SPOCK3: variants seen among roughly 807,000 people sequenced by gnomAD.
SPOCK3 encodes the protein SPARC (osteonectin), cwcv and kazal like domains proteoglycan 3.
SPOCK3 carries 30 observed loss-of-function variants against 56.6 expected under a neutral mutation model. That is an observed-to-expected ratio of 0.53 (90% CI 0.40 to 0.72). SPOCK3 has a LOEUF of 0.72. Ranked by LOEUF, SPOCK3 falls within the 30% of genes least tolerant of loss-of-function variation. The pLI, the probability that SPOCK3 is intolerant of heterozygous loss-of-function variation, is 0.00. For missense variants in SPOCK3, 527 were observed against 530.0 expected (o/e 0.99, Z 0.06); for synonymous variants, 196 against 183.3 (o/e 1.07, Z -0.56).
chr4:167,030,083 T>TTCTATCTATTTATCTA, intron 3 of SPOCK3, among the ~76,000 whole-genome samples: 1 of 141,480 alleles, frequency 7.1e-6, no homozygotes, highest in African/African-American at 2.8e-5. Flanking sequence ...TAATGGCTCA[T>TTCTATCTATTTATCTA]TCTATCTATC....
intron 2 of SPOCK3, among the ~76,000 whole-genome samples, chr4:167,187,713 A>G (rs1732122235): frequency 6.6e-6 from 1 of 152,086 alleles, no homozygotes; most frequent in Non-Finnish European, 1.5e-5. Context: ...ATATCTTATG[A>G]TTAATAATTT....
intron 2 of SPOCK3, among the ~76,000 whole-genome samples, chr4:167,107,456 T>A (rs1387920991): frequency 6.6e-6 from 1 of 151,828 alleles, no homozygotes; most frequent in Non-Finnish European, 1.5e-5. Flanking sequence ...CATCCCTTCA[T>A]GATAAAAACC....
intron 2 of SPOCK3, among the ~76,000 whole-genome samples, chr4:167,186,244 G>A (rs1278374869): frequency 2.6e-5 from 4 of 152,046 alleles, no homozygotes; most frequent in Non-Finnish European, 4.4e-5. Context: ...AAAATACAAA[G>A]AGAAAAATCT....
At chr4:166,954,536 C>T (rs1019660243) in intron 4 of SPOCK3, among the ~76,000 whole-genome samples, 4 of 152,044 alleles carry the variant, frequency 2.6e-5, no homozygotes, top group Non-Finnish European at 5.9e-5. Context: ...ATCCAGTTTT[C>T]CCAACACCAT....
intron 5 of SPOCK3, among the ~76,000 whole-genome samples, chr4:166,904,221 T>C (rs1736370021): frequency 1.3e-5 from 2 of 151,960 alleles, no homozygotes; most frequent in East Asian, 1.9e-4. Flanking sequence ...ATGTTTAAAA[T>C]GGGAACAATA....
At chr4:167,036,630 T>C (rs1752782251) in intron 3 of SPOCK3, among the ~76,000 whole-genome samples, 1 of 152,178 alleles carries the variant, frequency 6.6e-6, no homozygotes, top group Admixed American at 6.5e-5. Flanking sequence ...AACGGAATAG[T>C]CTACTTTTAA....
At chr4:166,813,544 A>T (rs1744062973) in intron 6 of SPOCK3, among the ~76,000 whole-genome samples, 1 of 150,524 alleles carries the variant, frequency 6.6e-6, no homozygotes, top group Admixed American at 6.6e-5. Flanking sequence ...ATATCCAAAA[A>T]TATAATTGGG....
chr4:167,158,991 T>C (rs570099530), intron 2 of SPOCK3, among the ~76,000 whole-genome samples: 2 of 152,056 alleles, frequency 1.3e-5, no homozygotes, highest in South Asian at 4.1e-4. Flanking sequence ...AACAAAAATT[T>C]CAAAAGCAAA....
chr4:166,843,780 T>C (rs1332033988), intron 6 of SPOCK3, among the ~76,000 whole-genome samples: 1 of 152,196 alleles, frequency 6.6e-6, no homozygotes, highest in African/African-American at 2.4e-5. Flanking sequence ...AAATAATACA[T>C]GTCTCTCTCT....
At chr4:166,751,613 C>T (rs1736383825) in intron 8 of SPOCK3, among the ~76,000 whole-genome samples, 1 of 152,076 alleles carries the variant, frequency 6.6e-6, no homozygotes, top group African/African-American at 2.4e-5. Flanking sequence ...AATATTTATA[C>T]TTTCACAGGG....
At chr4:166,743,421 G>T (rs1735133646) in intron 8 of SPOCK3, among the ~76,000 whole-genome samples, 1 of 148,988 alleles carries the variant, frequency 6.7e-6, no homozygotes, top group South Asian at 2.2e-4. Context: ...TTTAATATGT[G>T]AACTTAATCT....
At chr4:166,860,331 T>A (rs10029969) in intron 6 of SPOCK3, among the ~76,000 whole-genome samples, 2 of 152,046 alleles carry the variant, frequency 1.3e-5, no homozygotes, top group African/African-American at 4.8e-5. Flanking sequence ...ATTTTAAGTA[T>A]AATTATTCAG....
intron 3 of SPOCK3, among the ~76,000 whole-genome samples, chr4:167,011,032 T>C (rs1749994794): frequency 6.6e-6 from 1 of 152,064 alleles, no homozygotes; most frequent in African/African-American, 2.4e-5. Flanking sequence ...TCATAACTTT[T>C]AAACTAGCAC....
At chr4:167,151,236 A>T (rs1292257728) in intron 2 of SPOCK3, among the ~76,000 whole-genome samples, 1 of 152,120 alleles carries the variant, frequency 6.6e-6, no homozygotes, top group East Asian at 1.9e-4. Flanking sequence ...TCGAGTTAAA[A>T]TTCATTACTC....
chr4:167,009,561 A>C (rs971305221), intron 3 of SPOCK3, among the ~76,000 whole-genome samples: 6 of 152,190 alleles, frequency 3.9e-5, no homozygotes, highest in African/African-American at 1.2e-4. Context: ...GCTGTGAGAG[A>C]AACAAATGCA....
Position 167,130,985 on chromosome 4 carries a change from T to C in SPOCK3, c.190-68448A>G, listed in dbSNP as rs188916834. On this transcript the variant is annotated intron_variant, in intron 2 of 10. Coordinates refer to ENST00000357545, the MANE Select transcript of SPOCK3 (RefSeq NM_001040159.2). Reference sequence around the variant, plus strand: ...GCAATTATATTGATGTTAGGTAGAGTTCAAGACTCTAGACCAAATGGTGAT... The same window carrying C: ...GCAATTATATTGATGTTAGGTAGAGCTCAAGACTCTAGACCAAATGGTGAT... Among the ~76,000 whole-genome samples, 313 of 151,806 alleles carry C rather than the reference T, an allele frequency of 2.1e-3. 1 individual carries two copies. The highest frequency in any genetic ancestry group is 7.1e-3 in the African/African-American group (295 of 41,414).
chr4:166,889,659 T>C (rs1374706456), intron 5 of SPOCK3, among the ~76,000 whole-genome samples: 2 of 152,020 alleles, frequency 1.3e-5, no homozygotes, highest in African/African-American at 2.4e-5. Flanking sequence ...CTCTTACTTA[T>C]TGGACTCTAA....
chr4:167,062,628 A>C, intron 2 of SPOCK3, 91 bp from the exon 3 acceptor site: 1 of 956,274 alleles, frequency 1.0e-6, no homozygotes, highest in Non-Finnish European at 1.6e-6. Flanking sequence ...GAAACACAGA[A>C]GCTGTATACA....
chr4:166,735,216 A>C, intron 10 of SPOCK3, 126 bp from the exon 11 acceptor site: 2 of 610,774 alleles, frequency 3.3e-6, no homozygotes, highest in Non-Finnish European at 5.6e-6. Flanking sequence ...CTTATTTATC[A>C]AAGATAATGA....
Sources: gnomAD v4.1 joint callset for allele counts (sites outside exome capture counted in the v4.1 genomes callset) on GRCh38, gnomAD v4.1.1 for gene constraint, MANE v1.5 for transcripts, NCBI Gene and HGNC (gene_info 2026-07-23, HGNC 2026-07-21) for gene names.